Variants in NCOR2 observed in about 807,000 individuals in gnomAD.
The protein encoded by NCOR2 is nuclear receptor corepressor 2, also known as CTG repeat protein 26.
In NCOR2, 81 loss-of-function variants were observed where a neutral mutation model predicts 262.9. The ratio of observed to expected loss-of-function variants is 0.31; its 90% CI spans 0.26 to 0.37. NCOR2 has a LOEUF of 0.37. Among genes scored for constraint, NCOR2 ranks in the 10% least tolerant of loss-of-function variants. NCOR2 has a pLI of 1.00. For synonymous variants in NCOR2, 1,659 were observed against 1,559.3 expected (o/e 1.06, Z -1.51); for missense variants, 3,385 against 3,621.4 (o/e 0.93, Z 1.68).
chr12:124,421,573 T>C (rs1338625636), intron 12 of NCOR2, among the ~76,000 whole-genome samples: 1 of 152,256 alleles, frequency 6.6e-6, no homozygotes, highest in African/African-American at 2.4e-5. Context: ...TGGGAACAGC[T>C]GTCCTTTAAA....
At chr12:124,379,543 A>C (rs2040262308) in intron 17 of NCOR2, among the ~76,000 whole-genome samples, 1 of 152,162 alleles carries the variant, frequency 6.6e-6, no homozygotes, top group Non-Finnish European at 1.5e-5. Context: ...CTGGAAAGAC[A>C]CTGGGGGGTG....
At chr12:124,343,264 G>A (rs1275703273) in intron 32 of NCOR2, 38 bp from the exon 35 acceptor site, 1 of 1,574,860 alleles carries the variant, frequency 6.3e-7, no homozygotes, top group Non-Finnish European at 8.6e-7. Flanking sequence ...GGCCTCTGGG[G>A]CTGGCATTTA....
At chr12:124,447,691 T>C (rs2045265646) in intron 7 of NCOR2, among the ~76,000 whole-genome samples, 1 of 149,544 alleles carries the variant, frequency 6.7e-6, no homozygotes, top group South Asian at 2.1e-4. Context: ...TTCTTTTTTC[T>C]TTCTTTCTTT....
chr12:124,336,548 C>G, intron 38 of NCOR2: 10 of 958,282 alleles, frequency 1.0e-5, no homozygotes, highest in Non-Finnish European at 1.1e-5. Context: ...CCAAAACCAA[C>G]AACAAAAAAA....
intron 1 of NCOR2, among the ~76,000 whole-genome samples, chr12:124,487,325 C>T (rs1168947202): frequency 6.6e-6 from 1 of 152,242 alleles, no homozygotes; most frequent in Non-Finnish European, 1.5e-5. Flanking sequence ...CGACCCCTGA[C>T]CCCAAGGCCG....
At chr12:124,492,350 C>T (rs2048133307) in intron 1 of NCOR2, among the ~76,000 whole-genome samples, 1 of 152,216 alleles carries the variant, frequency 6.6e-6, no homozygotes, top group Non-Finnish European at 1.5e-5. Context: ...GGGCCAATGC[C>T]ACTCAGCAAG....
At chr12:124,534,562 A>T (rs2137184456) in intron 1 of NCOR2, among the ~76,000 whole-genome samples, 1 of 152,356 alleles carries the variant, frequency 6.6e-6, no homozygotes, top group African/African-American at 2.4e-5. Flanking sequence ...ATTTGGAACA[A>T]GAATGAAATC....
chr12:124,537,576 T>C (rs2051152952), upstream of NCOR2, among the ~76,000 whole-genome samples: 1 of 152,248 alleles, frequency 6.6e-6, no homozygotes, highest in Non-Finnish European at 1.5e-5. Context: ...ATTTTAAAAA[T>C]GCTGACCCCA....
intron 37 of NCOR2, among the ~76,000 whole-genome samples, chr12:124,337,997 G>A (rs1165880723): frequency 1.3e-5 from 2 of 152,234 alleles, no homozygotes; most frequent in African/African-American, 2.4e-5. Context: ...GCCTGTGTGC[G>A]GAACCCTGCT....
chr12:124,356,526 G>T, intron 23 of NCOR2, 116 bp downstream of exon 25: 2 of 954,784 alleles, frequency 2.1e-6, no homozygotes, highest in Middle Eastern at 3.2e-4. Flanking sequence ...TGTTCCTCCA[G>T]CCAGGTCCCA....
chr12:124,367,616 CTTT>C (rs967430307), intron 20 of NCOR2, among the ~76,000 whole-genome samples: 71 of 152,228 alleles, frequency 4.7e-4, no homozygotes, highest in African/African-American at 1.7e-3. Context: ...ACTCTCCCTT[CTTT>C]GTTTTATTTT....
At chr12:124,381,961 C>G (rs147103931) in intron 17 of NCOR2, among the ~76,000 whole-genome samples, 1 of 152,226 alleles carries the variant, frequency 6.6e-6, no homozygotes, top group African/African-American at 2.4e-5. Context: ...TTCCTGCTGA[C>G]GTCGCCTGCG....
In NCOR2 at chr12:124,566,429, C is replaced by T. The variant is rs2052240958; in HGVS notation, c.-165+879G>A. Among the ~76,000 whole-genome samples, 1 of 152,094 alleles carries T rather than the reference C, an allele frequency of 6.6e-6. No individual in the cohort carries two copies. The highest frequency in any genetic ancestry group is 1.5e-5 in the Non-Finnish European group (1 of 67,994). On this transcript the variant is annotated intron_variant, in intron 1 of 32. Transcript: ENST00000458234. This position sits in a 1 kb window ranked among gnomAD's most constrained non-coding sequence, Gnocchi z 4.3. ...AGCTCCCAGGTACAGCCTGTCTCTC[C>T]CTCCCGCCCGCCGTGCCCTCCCGCC...
chr12:124,344,373 G>A (rs377267731), intron 32 of NCOR2, among the ~76,000 whole-genome samples: 3 of 152,216 alleles, frequency 2.0e-5, no homozygotes, highest in African/African-American at 2.4e-5. Context: ...AGGGAGGGGC[G>A]TGGGGGAAGC....
intron 16 of NCOR2, chr12:124,388,806 C>T: frequency 7.7e-7 from 1 of 1,294,676 alleles, no homozygotes; most frequent in Non-Finnish European, 1.0e-6. Context: ...CTCTGCGAGG[C>T]TGCTGGTTGG....
intron 13 of NCOR2, among the ~76,000 whole-genome samples, chr12:124,403,196 C>T (rs994518025): frequency 5.3e-5 from 8 of 152,156 alleles, no homozygotes; most frequent in African/African-American, 1.7e-4. Flanking sequence ...GGGGGGATGC[C>T]CCTGATTCCC....
intron 33 of NCOR2, 92 bp from the exon 36 acceptor site, chr12:124,342,166 C>G: frequency 7.0e-7 from 1 of 1,420,124 alleles, no homozygotes; most frequent in Non-Finnish European, 9.4e-7. Flanking sequence ...CTTCTGCACC[C>G]GGACAGCTTC....
At chr12:124,447,321 T>G (rs2045241959) in intron 7 of NCOR2, among the ~76,000 whole-genome samples, 1 of 152,260 alleles carries the variant, frequency 6.6e-6, no homozygotes, top group Non-Finnish European at 1.5e-5. Context: ...CGGACCACAG[T>G]CATTCTCTGA....
intron 5 of NCOR2, among the ~76,000 whole-genome samples, chr12:124,464,848 T>C (rs2046341908): frequency 6.6e-6 from 1 of 152,212 alleles, no homozygotes; most frequent in Non-Finnish European, 1.5e-5. Context: ...GAACCCAGGA[T>C]GGCTGGCTGA....
Sources: allele counts gnomAD v4.1 joint callset (sites outside exome capture counted in the v4.1 genomes callset), GRCh38; gene constraint gnomAD v4.1.1; non-coding constraint Gnocchi (gnomAD v3.1); transcripts MANE v1.5; gene names NCBI Gene and HGNC (gene_info 2026-07-23, HGNC 2026-07-21).